CSMD2: variants seen among roughly 807,000 people sequenced by gnomAD.
The protein encoded by CSMD2 is CUB and Sushi multiple domains 2.
Under a neutral mutation model 398.5 loss-of-function variants are expected in CSMD2, and 130 were observed. The observed-to-expected ratio is 0.33, with a 90% CI of 0.28 to 0.38. CSMD2 has a LOEUF of 0.38. CSMD2 is among the 10% of genes least tolerant of loss of function. The pLI, the probability that CSMD2 is intolerant of heterozygous loss-of-function variation, is 1.00. For missense variants in CSMD2, 3,829 were observed against 4,764.9 expected (o/e 0.80, Z 5.78); for synonymous variants, 1,828 against 1,908.5 (o/e 0.96, Z 1.10).
chr1:33,658,936 C>A (rs1644036815), intron 26 of CSMD2, among the ~76,000 whole-genome samples: 1 of 152,096 alleles, frequency 6.6e-6, no homozygotes, highest in African/African-American at 2.4e-5. Context: ...AGTTGGCCTG[C>A]CTAAATGCTA....
intron 43 of CSMD2, 114 bp downstream of exon 43, chr1:33,602,255 A>T: frequency 8.5e-7 from 1 of 1,171,742 alleles, no homozygotes; most frequent in Non-Finnish European, 1.2e-6. Flanking sequence ...GACAGCCTTT[A>T]AAAACCATTC....
At chr1:34,049,543 T>C (rs536757013) in intron 2 of CSMD2, among the ~76,000 whole-genome samples, 7 of 152,112 alleles carry the variant, frequency 4.6e-5, no homozygotes, top group Non-Finnish European at 8.8e-5. Flanking sequence ...CCAGATGCCA[T>C]CTTTTGAATC....
chr1:33,665,941 C>T (rs1644302923), intron 25 of CSMD2, among the ~76,000 whole-genome samples: 1 of 152,134 alleles, frequency 6.6e-6, no homozygotes, highest in South Asian at 2.1e-4. Context: ...GGAACCAGGC[C>T]TTGTTTGCCT....
At chr1:33,717,633 C>T (rs1646216280) in intron 19 of CSMD2, among the ~76,000 whole-genome samples, 1 of 151,492 alleles carries the variant, frequency 6.6e-6, no homozygotes. Flanking sequence ...TTTGGAAGTT[C>T]AGGATTAAAG....
chr1:33,824,554 C>T, intron 7 of CSMD2, among the ~76,000 whole-genome samples: 1 of 152,192 alleles, frequency 6.6e-6, no homozygotes, highest in East Asian at 1.9e-4. Context: ...CTGATGTTCT[C>T]CCGGCCACAC....
chr1:33,899,811 T>C (rs183154624), intron 5 of CSMD2, among the ~76,000 whole-genome samples: 8 of 152,316 alleles, frequency 5.3e-5, no homozygotes, highest in Admixed American at 2.6e-4. Flanking sequence ...AAAGCCATTA[T>C]TGTTCAACCC....
chr1:33,902,184 A>G (rs1165389588), intron 5 of CSMD2, among the ~76,000 whole-genome samples: 2 of 152,264 alleles, frequency 1.3e-5, no homozygotes, highest in East Asian at 3.9e-4. Flanking sequence ...TAAGTCCTAG[A>G]GGGCATTTTT....
At chr1:34,127,940 C>T (rs541855003) in intron 1 of CSMD2, among the ~76,000 whole-genome samples, 1 of 151,968 alleles carries the variant, frequency 6.6e-6, no homozygotes, top group Non-Finnish European at 1.5e-5. Flanking sequence ...TTTGAAGGGA[C>T]CTTGCATGGC....
At chr1:33,568,765 C>T (rs1235657277) in intron 52 of CSMD2, among the ~76,000 whole-genome samples, 2 of 152,104 alleles carry the variant, frequency 1.3e-5, no homozygotes, top group Non-Finnish European at 2.9e-5. Flanking sequence ...AGTGGCAAGA[C>T]AGCACTGTTC....
intron 3 of CSMD2, among the ~76,000 whole-genome samples, chr1:34,029,666 C>T (rs1300632057): frequency 6.6e-6 from 1 of 152,232 alleles, no homozygotes; most frequent in East Asian, 1.9e-4. Flanking sequence ...GCACAGACAC[C>T]TGTGACCCAC....
intron 22 of CSMD2, among the ~76,000 whole-genome samples, chr1:33,707,146 GA>G (rs1645814010): frequency 6.6e-6 from 1 of 152,254 alleles, no homozygotes; most frequent in African/African-American, 2.4e-5. Flanking sequence ...CCTTAGTGAG[GA>G]AGCATGGGCA....
At chr1:33,572,731 G>A in intron 49 of CSMD2, 40 bp from the exon 50 acceptor site, 1 of 1,501,242 alleles carries the variant, frequency 6.7e-7, no homozygotes, top group Non-Finnish European at 9.0e-7. Context: ...TTTGTTTTAA[G>A]ATGGTATTCT....
At chr1:33,553,932 C>A (rs1402910008) in intron 55 of CSMD2, among the ~76,000 whole-genome samples, 1 of 152,010 alleles carries the variant, frequency 6.6e-6, no homozygotes, top group East Asian at 1.9e-4. Flanking sequence ...AAGCCTAATC[C>A]AGAGCAAGGC....
intron 13 of CSMD2, among the ~76,000 whole-genome samples, chr1:33,757,769 T>C (rs1034037426): frequency 1.3e-5 from 2 of 152,208 alleles, no homozygotes; most frequent in Non-Finnish European, 2.9e-5. Flanking sequence ...AAGCAAAATA[T>C]GTCAACTCCT....
intron 19 of CSMD2, among the ~76,000 whole-genome samples, chr1:33,720,487 G>A (rs12076511): frequency 2.0e-3 from 310 of 152,224 alleles, no homozygotes; most frequent in African/African-American, 6.9e-3. Flanking sequence ...CAAGGGCAAC[G>A]GCAGAGATTC....
At chr1:33,558,897 C>T (rs1394122584) in intron 54 of CSMD2, among the ~76,000 whole-genome samples, 1 of 152,078 alleles carries the variant, frequency 6.6e-6, no homozygotes, top group East Asian at 1.9e-4. Flanking sequence ...CATTTTGCAA[C>T]CACAAGGAAA....
chr1:33,969,713 C>A (rs1645685883), intron 3 of CSMD2, among the ~76,000 whole-genome samples: 1 of 152,142 alleles, frequency 6.6e-6, no homozygotes, highest in South Asian at 2.1e-4. Flanking sequence ...GTGCTCTTAG[C>A]CACTGTGCTG....
At chr1:33,768,661 T>C (rs1650862271) in intron 13 of CSMD2, among the ~76,000 whole-genome samples, 1 of 151,634 alleles carries the variant, frequency 6.6e-6, no homozygotes, top group African/African-American at 2.4e-5. Flanking sequence ...AGTAGGGCCA[T>C]TTCCCACAGC....
At chr1:34,023,127 C>A (rs181743297) in intron 3 of CSMD2, among the ~76,000 whole-genome samples, 46 of 152,322 alleles carry the variant, frequency 3.0e-4, no homozygotes, top group Admixed American at 2.6e-3. Flanking sequence ...TAAGCCACCA[C>A]ACTCGAAGGA....
Sources: allele counts gnomAD v4.1 joint callset (sites outside exome capture counted in the v4.1 genomes callset), GRCh38; gene constraint gnomAD v4.1.1; transcripts MANE v1.5; gene names NCBI Gene and HGNC (gene_info 2026-07-23, HGNC 2026-07-21).